The following SETX variants were observed in gnomAD, a reference collection of about 807,000 sequenced individuals.
SETX encodes the protein senataxin.
Under a neutral mutation model 227.2 loss-of-function variants are expected in SETX, and 90 were observed. That is an observed-to-expected ratio of 0.40 (90% CI 0.33 to 0.47). The LOEUF (loss-of-function observed/expected upper bound fraction) is 0.47. Among genes scored for constraint, SETX ranks in the 20% least tolerant of loss-of-function variants. SETX has a pLI of 0.91. For missense variants in SETX, 3,052 were observed against 3,181.5 expected, an observed-to-expected ratio of 0.96 and a Z score of 0.98; for synonymous variants, 1,210 against 1,113.2, an observed-to-expected ratio of 1.09 and a Z score of -1.73.
At chr9:132,331,528 C>A in intron 7 of SETX, 80 bp from the exon 8 acceptor site, 1 of 1,477,688 alleles carries the variant, frequency 6.8e-7, no homozygotes, top group Non-Finnish European at 9.3e-7. Flanking sequence ...TAAGCATATT[C>A]TTTATCTGGT....
intron 19 of SETX, among the ~76,000 whole-genome samples, chr9:132,282,306 T>C (rs1269844202): frequency 1.3e-5 from 2 of 150,948 alleles, no homozygotes; most frequent in African/African-American, 2.4e-5. Context: ...CTTATTTTTT[T>C]TTTTTTTGAG....
rs1212983022 is a variant in SETX, at chr9:132,263,517, G to A, written c.*722C>T. 4 of 152,096 alleles carry A rather than the reference G, an allele frequency of 2.6e-5. No individual in the cohort carries two copies. The highest frequency in any genetic ancestry group is 5.9e-5 in the Non-Finnish European group (4 of 68,022). The allele number at this position is 152,096 out of a possible 1,614,324, so 9.4% of individuals were successfully genotyped here. On this transcript the variant is annotated 3_prime_UTR_variant, in exon 26 of 26. Transcript: ENST00000224140. ...AAGAAGATTAGGAATTTTAGCTAGGGAACTATGTGCATACTGAAACAGGTA... is the reference window on the plus strand; with the variant it reads ...AAGAAGATTAGGAATTTTAGCTAGGAAACTATGTGCATACTGAAACAGGTA...
intron 4 of SETX, among the ~76,000 whole-genome samples, chr9:132,345,763 T>C (rs1310072979): frequency 1.3e-5 from 2 of 152,182 alleles, no homozygotes; most frequent in Non-Finnish European, 2.9e-5. Context: ...GTGCCTATAA[T>C]CCCAGCAATT....
intron 12 of SETX, among the ~76,000 whole-genome samples, chr9:132,300,130 C>CA (rs72582907): frequency 0.1 from 4,562 of 44,060 alleles, 178 homozygotes; most frequent in Admixed American, 0.17. Context: ...AACTCCGTCT[C>CA]AAAAAAAAAA....
At chr9:132,310,812 G>A (rs1845604560) in intron 11 of SETX, among the ~76,000 whole-genome samples, 2 of 152,190 alleles carry the variant, frequency 1.3e-5, no homozygotes, top group African/African-American at 4.8e-5. Context: ...TATCTACTGA[G>A]TGTGACGATG....
At position 132,335,390 on chromosome 9, in the gene SETX, C is replaced by CA. The variant is rs1157691529; in HGVS notation, c.719-664dup. Among the ~76,000 whole-genome samples the CA allele has an allele frequency of 3.8e-3, 197 of 52,012 alleles. 10 individuals carry two copies. The highest frequency in any genetic ancestry group is 0.011 in the African/African-American group (134 of 12,614). 34.1% of individuals were successfully genotyped at this position (52,012 alleles called of 152,430 possible). On this transcript the variant is annotated intron_variant, in intron 6 of 25. Coordinates refer to ENST00000224140, the MANE Select transcript of SETX (RefSeq NM_015046.7). Reference sequence around the variant, plus strand: ...TGGGCGACAGAGCAAGACTCCGTCTCAAAAAAAAAAAAAAAAAAAAAAAAA... The same window carrying CA: ...TGGGCGACAGAGCAAGACTCCGTCTCAAAAAAAAAAAAAAAAAAAAAAAAAA...
chr9:132,282,528 G>A (rs543183890), intron 19 of SETX, among the ~76,000 whole-genome samples: 8 of 152,012 alleles, frequency 5.3e-5, no homozygotes, highest in South Asian at 2.1e-4. Context: ...GGGCTCAAGC[G>A]ATCCACCCTC....
Position 132,329,021 on chromosome 9 carries a change from T to G in SETX, c.2577A>C (p.Gln859His). Residue 859 changes from glutamine (Q) to histidine (H), a missense_variant, in exon 10 of 26, where the codon CAA becomes CAC. Physicochemically the swap from Gln to His is conservative, Grantham distance 24 (BLOSUM62 0). Transcript: ENST00000224140. The stretch of plus-strand genomic sequence containing the variant: ...GTTTCTCTTTTGGCAATACATTGTT[T>G]TGAGATTTTTGTTCTCCATTCTTAT... ...LDDKNGEQKS[Q>H]NNVLPKEKQL... 1.2e-6 allele frequency: 2 copies of G among 1,607,124 alleles called. No individual in the cohort carries two copies. The highest frequency in any genetic ancestry group is 1.7e-6 in the Non-Finnish European group (2 of 1,177,292).
At chr9:132,340,795 T>C (rs1847910314) in intron 5 of SETX, among the ~76,000 whole-genome samples, 1 of 152,218 alleles carries the variant, frequency 6.6e-6, no homozygotes, top group Non-Finnish European at 1.5e-5. Flanking sequence ...GATCTTTTAG[T>C]TGAGAACAGA....
At chr9:132,311,588 T>C (rs1845660421) in intron 11 of SETX, among the ~76,000 whole-genome samples, 169 bp downstream of exon 11, 1 of 152,208 alleles carries the variant, frequency 6.6e-6, no homozygotes. Context: ...TTTACATTCA[T>C]AATTGTTCCA....
intron 5 of SETX, among the ~76,000 whole-genome samples, chr9:132,337,895 G>A (rs1014462790): frequency 1.3e-5 from 2 of 152,112 alleles, no homozygotes; most frequent in African/African-American, 4.8e-5. Context: ...TTACACAGCA[G>A]AGAAATGGGA....
chr9:132,318,913 T>C (rs1244393808), intron 10 of SETX, among the ~76,000 whole-genome samples: 1 of 152,140 alleles, frequency 6.6e-6, no homozygotes, highest in Admixed American at 6.5e-5. Flanking sequence ...CTACTTACTA[T>C]TTCCTTCCCA....
intron 18 of SETX, among the ~76,000 whole-genome samples, chr9:132,284,046 C>G (rs746056164): frequency 4.4e-4 from 67 of 152,180 alleles, no homozygotes; most frequent in Non-Finnish European, 9.1e-4. Context: ...CTGCTTTTTG[C>G]TACTAAGAAG....
chr9:132,305,589 C>G (rs1045775171), intron 11 of SETX, among the ~76,000 whole-genome samples: 1 of 152,066 alleles, frequency 6.6e-6, no homozygotes, highest in African/African-American at 2.4e-5. Context: ...CTGAGAAGAG[C>G]ACAAACTACT....
chr9:132,265,213 C>T (rs565239008), intron 25 of SETX, among the ~76,000 whole-genome samples: 73 of 146,952 alleles, frequency 5.0e-4, no homozygotes, highest in African/African-American at 1.8e-3. Flanking sequence ...TAATGGAGAA[C>T]TTCAACTTTT....
rs112086483 is a variant in SETX at position 132,348,378 on chromosome 9, C to CA, written c.177+873dup. Among the ~76,000 whole-genome samples, 344 of 135,114 alleles carry CA rather than the reference C, an allele frequency of 2.5e-3. 8 individuals are homozygous for CA. The highest frequency in any genetic ancestry group is 3.5e-3 in the African/African-American group (127 of 36,388). The allele number at this position is 135,114 out of a possible 152,430, so 88.6% of individuals were successfully genotyped here. On this transcript the variant is annotated intron_variant, in intron 3 of 25. Transcript: ENST00000224140. The stretch of plus-strand genomic sequence containing the variant: ...ACTCTGTCTCAAAAAAAAAACAAAA[C>CA]AAAAAAAAAACAACCCACTAACAAA...
At chr9:132,276,190 T>C (rs1843152969) in intron 22 of SETX, among the ~76,000 whole-genome samples, 1 of 152,194 alleles carries the variant, frequency 6.6e-6, no homozygotes, top group Non-Finnish European at 1.5e-5. Flanking sequence ...ACTTACTAAA[T>C]GGACAACCCA....
intron 4 of SETX, among the ~76,000 whole-genome samples, chr9:132,343,135 C>G (rs925822388): frequency 1.3e-5 from 2 of 151,924 alleles, no homozygotes; most frequent in Admixed American, 6.6e-5. Context: ...CTGGCTAACA[C>G]GGTGAAACCC....
intron 14 of SETX, 48 bp from the exon 15 acceptor site, chr9:132,296,076 G>C (rs148438673): frequency 1.2e-6 from 2 of 1,606,390 alleles, no homozygotes; most frequent in East Asian, 4.5e-5. Context: ...AAAAAATATG[G>C]GTGAGCTCTA....
Sources: allele counts gnomAD v4.1 joint callset (sites outside exome capture counted in the v4.1 genomes callset), GRCh38; gene constraint gnomAD v4.1.1; transcripts MANE v1.5; gene names NCBI Gene and HGNC (gene_info 2026-07-23, HGNC 2026-07-21).